The following NAALADL2 variants were observed in gnomAD, a reference collection of about 807,000 sequenced individuals.
NAALADL2 encodes N-acetylated alpha-linked acidic dipeptidase like 2.
Under a neutral mutation model 87.2 loss-of-function variants are expected in NAALADL2, and 76 were observed. The ratio of observed to expected loss-of-function variants is 0.87; its 90% CI spans 0.72 to 1.05. The LOEUF (loss-of-function observed/expected upper bound fraction) is 1.05. Among genes scored for constraint, NAALADL2 ranks in the 50% least tolerant of loss-of-function variants. The probability of loss-of-function intolerance (pLI) is 0.00; values close to 1 mark genes in which losing one functional copy is unlikely to be tolerated. For synonymous variants in NAALADL2, 354 were observed against 331.0 expected (o/e 1.07, Z -0.75); for missense variants, 1,089 against 945.8 (o/e 1.15, Z -1.99).
intron 11 of NAALADL2, among the ~76,000 whole-genome samples, chr3:175,659,186 C>T (rs1390440837): frequency 6.6e-6 from 1 of 152,088 alleles, no homozygotes; most frequent in Non-Finnish European, 1.5e-5. Context: ...AAACTCAATA[C>T]ATGTTAGTGT....
chr3:175,319,083 C>G (rs1300542828), intron 4 of NAALADL2, among the ~76,000 whole-genome samples: 1 of 152,234 alleles, frequency 6.6e-6, no homozygotes, highest in Non-Finnish European at 1.5e-5. Context: ...TCTCCCTCCC[C>G]CACATGGGTG....
intron 3 of NAALADL2, among the ~76,000 whole-genome samples, chr3:174,767,642 T>G (rs1713994663): frequency 6.6e-6 from 1 of 152,196 alleles, no homozygotes; most frequent in East Asian, 1.9e-4. Context: ...TTACCACATT[T>G]ACGTACAAGA....
chr3:175,023,091 GT>G (rs1414828177), intron 1 of NAALADL2, among the ~76,000 whole-genome samples: 2 of 151,904 alleles, frequency 1.3e-5, no homozygotes, highest in African/African-American at 4.8e-5. Flanking sequence ...CTTCCAATAG[GT>G]TCTTTTGCAT....
chr3:175,037,348 G>T (rs954137857), intron 1 of NAALADL2, among the ~76,000 whole-genome samples: 1 of 152,142 alleles, frequency 6.6e-6, no homozygotes, highest in African/African-American at 2.4e-5. Context: ...AAGGGTAGGG[G>T]AAAGAGGGCT....
chr3:175,527,799 T>C (rs1279742040), intron 9 of NAALADL2, among the ~76,000 whole-genome samples: 2 of 152,242 alleles, frequency 1.3e-5, no homozygotes, highest in Non-Finnish European at 2.9e-5. Flanking sequence ...ATATGCATTA[T>C]ACATGCATAT....
intron 2 of NAALADL2, among the ~76,000 whole-genome samples, chr3:174,583,823 T>C (rs1436659688): frequency 6.6e-6 from 1 of 152,062 alleles, no homozygotes; most frequent in Non-Finnish European, 1.5e-5. Context: ...CAGTGGGATA[T>C]TACAAAAAGC....
intron 9 of NAALADL2, among the ~76,000 whole-genome samples, chr3:175,539,430 T>C (rs1711896641): frequency 6.6e-6 from 1 of 152,196 alleles, no homozygotes; most frequent in Admixed American, 6.5e-5. Flanking sequence ...CTAAGAAAAC[T>C]GGTATTGTAC....
Position 175,055,604 on chromosome 3 carries a change from G to C in NAALADL2, c.44-41186G>C, listed in dbSNP as rs140341957. 2.6e-5 allele frequency among the ~76,000 whole-genome samples: 4 copies of C among 152,192 alleles called. No homozygotes were observed. The East Asian group carries it at 7.7e-4, about 29-fold the overall frequency. On this transcript the variant is annotated intron_variant, in intron 1 of 13. Transcript: ENST00000454872. ...GGGCCTGGGCCAGGCTCCTCATGGC[G>C]TTTCCCGAAATCGGGTTCCCATCTT...
chr3:174,991,033 T>C (rs1337530521), intron 1 of NAALADL2, among the ~76,000 whole-genome samples: 1 of 152,174 alleles, frequency 6.6e-6, no homozygotes, highest in Non-Finnish European at 1.5e-5. Flanking sequence ...TAAATACCAC[T>C]TTCTATAATA....
chr3:174,451,170 G>T (rs1298808573), intron 1 of NAALADL2, among the ~76,000 whole-genome samples: 1 of 152,098 alleles, frequency 6.6e-6, no homozygotes, highest in Non-Finnish European at 1.5e-5. Flanking sequence ...TCTATCCTCT[G>T]TATGAACCTC....
At chr3:175,509,093 G>T (rs1730770269) in intron 9 of NAALADL2, among the ~76,000 whole-genome samples, 1 of 151,164 alleles carries the variant, frequency 6.6e-6, no homozygotes, top group Non-Finnish European at 1.5e-5. Flanking sequence ...TCCAGCCTGG[G>T]TGACAAGAGC....
At chr3:174,980,336 TA>T (rs1744946169) in intron 1 of NAALADL2, among the ~76,000 whole-genome samples, 2 of 152,292 alleles carry the variant, frequency 1.3e-5, no homozygotes, top group South Asian at 4.1e-4. Flanking sequence ...GCATGAATAT[TA>T]AAATGGTAAT....
intron 1 of NAALADL2, among the ~76,000 whole-genome samples, chr3:175,083,507 C>A (rs1718285488): frequency 6.6e-6 from 1 of 151,860 alleles, no homozygotes; most frequent in Non-Finnish European, 1.5e-5. Context: ...TTAGTTTTCA[C>A]CAAAAAAAAT....
intron 2 of NAALADL2, 87 bp downstream of exon 2, chr3:175,097,378 G>T: frequency 3.3e-6 from 4 of 1,223,094 alleles, no homozygotes; most frequent in Non-Finnish European, 4.6e-6. Flanking sequence ...ATTTTTCATG[G>T]TTCACGTCAG....
intron 13 of NAALADL2, among the ~76,000 whole-genome samples, chr3:175,792,267 A>G (rs1461055318): frequency 6.6e-6 from 1 of 152,172 alleles, no homozygotes; most frequent in Non-Finnish European, 1.5e-5. Context: ...CAAAGTTAAT[A>G]TTTATTGTGT....
chr3:175,318,297 T>C (rs1759407717), intron 4 of NAALADL2, among the ~76,000 whole-genome samples: 1 of 152,156 alleles, frequency 6.6e-6, no homozygotes, highest in Non-Finnish European at 1.5e-5. Context: ...TGTATGTTCA[T>C]AAACCCTAGT....
chr3:175,195,706 T>C (rs752694422), intron 2 of NAALADL2, among the ~76,000 whole-genome samples: 1 of 151,918 alleles, frequency 6.6e-6, no homozygotes, highest in African/African-American at 2.4e-5. Context: ...CAGAAGGACA[T>C]TTATATATCA....
intron 2 of NAALADL2, among the ~76,000 whole-genome samples, chr3:175,187,483 TC>T: frequency 6.6e-6 from 1 of 152,324 alleles, no homozygotes; most frequent in South Asian, 2.1e-4. Flanking sequence ...ATCTCTGTTT[TC>T]CTCAAGCTTT....
chr3:175,552,725 A>C lies in NAALADL2; in HGVS notation c.1654-23316A>C, dbSNP rs567114771. On this transcript the variant is annotated intron_variant, in intron 9 of 13. Coordinates refer to ENST00000454872, the MANE Select transcript of NAALADL2 (RefSeq NM_207015.3). ...TCCTGTTTGCTTCTGTTGTATTTTT[A>C]TATCATTTTATTGATTTAGAAATAT... is the stretch of plus-strand genomic sequence containing the variant. 3.3e-5 allele frequency among the ~76,000 whole-genome samples: 5 copies of C among 152,200 alleles called. No individual in the cohort carries two copies. In the East Asian group the frequency reaches 7.7e-4, roughly 24 times the overall value.
Sources: allele counts gnomAD v4.1 joint callset (sites outside exome capture counted in the v4.1 genomes callset), GRCh38; gene constraint gnomAD v4.1.1; transcripts MANE v1.5; gene names NCBI Gene and HGNC (gene_info 2026-07-23, HGNC 2026-07-21).